The following TEC variants were observed in gnomAD, a reference collection of about 807,000 sequenced individuals.
TEC encodes the protein tyrosine-protein kinase Tec.
In TEC, 72 loss-of-function variants were observed where a neutral mutation model predicts 93.0. The observed-to-expected ratio is 0.77, with a 90% CI of 0.64 to 0.94. The LOEUF (loss-of-function observed/expected upper bound fraction) is 0.94, where lower values mean the gene tolerates loss of function less well. Ranked by LOEUF, TEC falls within the 40% of genes least tolerant of loss-of-function variation. The pLI is 0.00. For synonymous variants in TEC, 249 were observed against 247.7 expected (o/e 1.01, Z -0.05); for missense variants, 630 against 757.9 (o/e 0.83, Z 1.98).
At chr4:48,219,444 T>C (rs1488997556) in intron 2 of TEC, among the ~76,000 whole-genome samples, 1 of 152,240 alleles carries the variant, frequency 6.6e-6, no homozygotes, top group African/African-American at 2.4e-5. Context: ...CTCCCTGTGG[T>C]GCTGTGCTTC....
intron 2 of TEC, among the ~76,000 whole-genome samples, chr4:48,183,676 A>G (rs1033349299): frequency 6.6e-6 from 1 of 152,180 alleles, no homozygotes; most frequent in Non-Finnish European, 1.5e-5. Flanking sequence ...GGTCTGAATT[A>G]CACAATTAGC....
At chr4:48,161,281 C>T (rs531949052) in intron 8 of TEC, among the ~76,000 whole-genome samples, 10 of 152,262 alleles carry the variant, frequency 6.6e-5, no homozygotes, top group African/African-American at 2.2e-4. Flanking sequence ...CTATGCCACC[C>T]ACTCAAAGCC....
chr4:48,140,105 A>G (rs1045089503), intron 15 of TEC, among the ~76,000 whole-genome samples: 2 of 152,224 alleles, frequency 1.3e-5, no homozygotes, highest in African/African-American at 4.8e-5. Flanking sequence ...TGGGTAATTA[A>G]TATCCTAAGA....
At chr4:48,140,160 C>A (rs1719600369) in intron 15 of TEC, among the ~76,000 whole-genome samples, 1 of 152,216 alleles carries the variant, frequency 6.6e-6, no homozygotes, top group African/African-American at 2.4e-5. Flanking sequence ...GTTTTCTAAT[C>A]TCCCTGGGCC....
At chr4:48,239,066 G>A (rs1337091713) in intron 1 of TEC, among the ~76,000 whole-genome samples, 5 of 151,638 alleles carry the variant, frequency 3.3e-5, no homozygotes, top group South Asian at 2.1e-4. Context: ...TGTTATAGTC[G>A]GTTAACATTT....
At chr4:48,205,242 G>T (rs1400832069) in intron 2 of TEC, among the ~76,000 whole-genome samples, 1 of 152,182 alleles carries the variant, frequency 6.6e-6, no homozygotes, top group Admixed American at 6.5e-5. Context: ...TGCCTGGCCT[G>T]CATAATAGCA....
rs1465054725 is a variant in TEC, at chr4:48,138,872, G to C, written c.1654+32C>G. On this transcript the variant is annotated intron_variant, in intron 16 of 17. Transcript: ENST00000381501. ...ATGGATGTATCCACTTTCTCCTCAG[G>C]GCGGACGGACATGAGGAAACATGGA... 3.1e-6 allele frequency: 5 copies of C among 1,613,758 alleles called. No homozygotes were observed. In the African/African-American group the frequency reaches 6.7e-5, roughly 22 times the overall value.
Position 48,136,138 on chromosome 4 carries a change from T to TA in TEC, c.*1277dup, listed in dbSNP as rs1206034880. The TA allele has an allele frequency of 5.3e-5, 8 of 152,160 alleles. No homozygotes were observed. Among genetic ancestry groups the TA allele is most frequent in the Admixed American group, 3.3e-4 (5 of 15,270 alleles). 9.4% of individuals were successfully genotyped at this position (152,160 alleles called of 1,614,324 possible). On this transcript the variant is annotated 3_prime_UTR_variant, in exon 18 of 18. Coordinates refer to ENST00000381501, the MANE Select transcript of TEC (RefSeq NM_003215.3). ...TTCGCTGGCGCTCACGTGACCGAGA[T>TA]AGTTTCTTTTCCTTGGCGCTCACAA...
intron 2 of TEC, among the ~76,000 whole-genome samples, chr4:48,188,828 T>A (rs980660777): frequency 6.6e-6 from 1 of 152,228 alleles, no homozygotes; most frequent in Non-Finnish European, 1.5e-5. Flanking sequence ...CTTATGATGA[T>A]GCTTGATGGA....
At chr4:48,194,744 G>A (rs1722233212) in intron 2 of TEC, among the ~76,000 whole-genome samples, 1 of 152,186 alleles carries the variant, frequency 6.6e-6, no homozygotes, top group Non-Finnish European at 1.5e-5. Flanking sequence ...TCTAGTAGCA[G>A]ACGGTGAATT....
intron 2 of TEC, among the ~76,000 whole-genome samples, chr4:48,181,013 G>C (rs1334402296): frequency 1.3e-5 from 2 of 152,154 alleles, no homozygotes; most frequent in Non-Finnish European, 2.9e-5. Context: ...TGACCACTTA[G>C]ATATGGGGAT....
Position 48,176,135 on chromosome 4 carries a change from T to C in TEC, c.190A>G (p.Ile64Val). 1 of 1,613,980 alleles carries C rather than the reference T, an allele frequency of 6.2e-7. No homozygotes were observed. Among genetic ancestry groups the C allele is most frequent in the Non-Finnish European group, 8.5e-7 (1 of 1,179,940 alleles). The change falls in exon 3 of 18, where the codon ATA (isoleucine) becomes GTA (valine). Residue 64 changes from isoleucine (I) to valine (V), a missense_variant. This residue lies in a region of TEC where 335 missense variants were observed against 351.5 expected (regional missense o/e 0.95). Coordinates refer to ENST00000381501, the MANE Select transcript of TEC (RefSeq NM_003215.3). ...ATGACACCATCATCATTCTTCACTATTTCCACACACTTGATTTTTGAAACA... is the reference window on the plus strand; with the variant it reads ...ATGACACCATCATCATTCTTCACTACTTCCACACACTTGATTTTTGAAACA... ...IDVSKIKCVEIVKNDDGVIPC... is the reference protein window; with the variant it reads ...IDVSKIKCVEVVKNDDGVIPC...
chr4:48,140,781 A>T (rs1016262352), intron 15 of TEC, among the ~76,000 whole-genome samples: 5 of 152,188 alleles, frequency 3.3e-5, no homozygotes, highest in African/African-American at 1.2e-4. Flanking sequence ...GGTCAGACTG[A>T]CAGCCACAGT....
At chr4:48,247,835 C>T (rs780040742) in intron 1 of TEC, among the ~76,000 whole-genome samples, 1 of 152,056 alleles carries the variant, frequency 6.6e-6, no homozygotes, top group African/African-American at 2.4e-5. Context: ...CTCTGTAAAA[C>T]GATTTAAATG....
Position 48,211,177 on chromosome 4 carries a change from T to G in TEC, c.138+17300A>C, listed in dbSNP as rs543646177. Among the ~76,000 whole-genome samples, 351 of 152,310 alleles carry G rather than the reference T, an allele frequency of 2.3e-3. 3 individuals are homozygous for G. Among genetic ancestry groups the G allele is most frequent in the Non-Finnish European group, 7.9e-4 (54 of 68,024 alleles). ...AGAGTCCATCCTCTTAGTCTCTCAC[T>G]CCCTAACTTCACAGAAATTCTGTAA... On this transcript the variant is annotated intron_variant, in intron 2 of 17. Coordinates refer to ENST00000381501, the MANE Select transcript of TEC (RefSeq NM_003215.3).
chr4:48,161,831 CAGA>C (rs1720677104), intron 8 of TEC, among the ~76,000 whole-genome samples: 1 of 152,072 alleles, frequency 6.6e-6, no homozygotes, highest in African/African-American at 2.4e-5. Flanking sequence ...TAAAAGCAGG[CAGA>C]AGAACTTGGA....
At chr4:48,211,178 C>T (rs2109611585) in intron 2 of TEC, among the ~76,000 whole-genome samples, 1 of 152,338 alleles carries the variant, frequency 6.6e-6, no homozygotes, top group Middle Eastern at 3.4e-3. Context: ...GTCTCTCACT[C>T]CCTAACTTCA....
chr4:48,263,482 G>A (rs1312346094), intron 1 of TEC, among the ~76,000 whole-genome samples: 1 of 152,222 alleles, frequency 6.6e-6, no homozygotes, highest in Non-Finnish European at 1.5e-5. Flanking sequence ...GGGAGGCCAA[G>A]GCAGGCAGAT....
intron 1 of TEC, among the ~76,000 whole-genome samples, chr4:48,249,153 C>T (rs953218687): frequency 6.6e-6 from 1 of 152,162 alleles, no homozygotes; most frequent in Non-Finnish European, 1.5e-5. Context: ...AAAGATATTA[C>T]AAAATGTCTT....
Sources: allele counts gnomAD v4.1 joint callset (sites outside exome capture counted in the v4.1 genomes callset), GRCh38; gene constraint gnomAD v4.1.1; regional missense constraint gnomAD v4.1.1; transcripts MANE v1.5; gene names NCBI Gene and HGNC (gene_info 2026-07-23, HGNC 2026-07-21).